SKAP2: variants seen among roughly 807,000 people sequenced by gnomAD.
The protein encoded by SKAP2 is src kinase-associated phosphoprotein 2.
A neutral mutation model predicts 54.9 loss-of-function variants in SKAP2; 28 were observed. The observed-to-expected ratio is 0.51, with a 90% CI of 0.38 to 0.70. SKAP2 has a LOEUF of 0.70. SKAP2 is among the 30% of genes least tolerant of loss of function. The probability of loss-of-function intolerance (pLI) is 0.00; values close to 1 mark genes in which losing one functional copy is unlikely to be tolerated. For synonymous variants in SKAP2, 137 were observed against 134.3 expected (o/e 1.02, Z -0.14); for missense variants, 356 against 424.1 (o/e 0.84, Z 1.41).
chr7:26,716,098 CTGAA>C (rs1237799189), intron 9 of SKAP2, among the ~76,000 whole-genome samples: 3 of 152,130 alleles, frequency 2.0e-5, no homozygotes, highest in African/African-American at 7.2e-5. Context: ...TCTATGTGTA[CTGAA>C]TGAACAAATA....
intron 4 of SKAP2, among the ~76,000 whole-genome samples, chr7:26,769,980 G>A (rs972516475): frequency 2.6e-5 from 4 of 152,216 alleles, no homozygotes; most frequent in African/African-American, 9.6e-5. Flanking sequence ...CTTGAGAGCT[G>A]TGCTGGGAGA....
intron 3 of SKAP2, among the ~76,000 whole-genome samples, chr7:26,845,827 G>A (rs530876693): frequency 3.3e-5 from 5 of 152,218 alleles, no homozygotes; most frequent in African/African-American, 9.6e-5. Context: ...ACATCTGTGG[G>A]AGGCTGAGGT....
intron 9 of SKAP2, among the ~76,000 whole-genome samples, chr7:26,708,021 A>T (rs551098268): frequency 3.9e-5 from 6 of 152,194 alleles, no homozygotes; most frequent in African/African-American, 1.4e-4. Flanking sequence ...AGAAAACCTG[A>T]TAAGCTCACA....
At chr7:26,756,199 C>T (rs1025854674) in intron 4 of SKAP2, among the ~76,000 whole-genome samples, 1 of 152,078 alleles carries the variant, frequency 6.6e-6, no homozygotes, top group Non-Finnish European at 1.5e-5. Context: ...TTTTATTATA[C>T]TTTAAGTTCG....
At chr7:26,693,398 T>C (rs1253390592) in intron 9 of SKAP2, among the ~76,000 whole-genome samples, 2 of 148,312 alleles carry the variant, frequency 1.3e-5, no homozygotes, top group African/African-American at 2.5e-5. Context: ...AGCATGAACA[T>C]ATAAAAATTC....
intron 4 of SKAP2, among the ~76,000 whole-genome samples, chr7:26,742,627 G>C (rs1782476977): frequency 6.6e-6 from 1 of 152,002 alleles, no homozygotes; most frequent in Non-Finnish European, 1.5e-5. Context: ...TCCCTGGGGA[G>C]TGGGGGAGTA....
At chr7:26,798,550 G>C (rs191585789) in intron 4 of SKAP2, among the ~76,000 whole-genome samples, 1 of 152,188 alleles carries the variant, frequency 6.6e-6, no homozygotes, top group Non-Finnish European at 1.5e-5. Context: ...ACATTAATGA[G>C]CAATAAGTAA....
At chr7:26,677,747 A>G (rs1483967359) in intron 11 of SKAP2, among the ~76,000 whole-genome samples, 1 of 152,198 alleles carries the variant, frequency 6.6e-6, no homozygotes, top group African/African-American at 2.4e-5. Context: ...CTTCGACTTA[A>G]TTGCAGTCTC....
At chr7:26,848,015 T>G (rs1784960668) in intron 3 of SKAP2, 1 of 152,204 alleles carries the variant, frequency 6.6e-6, no homozygotes, top group African/African-American at 2.4e-5. Flanking sequence ...ATTTCAGTAG[T>G]AACAAACATT....
At chr7:26,718,876 G>T (rs1489815833) in intron 9 of SKAP2, among the ~76,000 whole-genome samples, 6 of 151,008 alleles carry the variant, frequency 4.0e-5, no homozygotes, top group Admixed American at 4.0e-4. Flanking sequence ...TGTAAATAAG[G>T]ATTTAAAAAT....
At position 26,864,541 on chromosome 7, in the gene SKAP2, G is replaced by C. The variant is rs1204540098; in HGVS notation, c.-112C>G. ...GCTAGCGGCCCGGATTAAGAACAGC[G>C]GGGCTACGAGTCGGGACACTGCCGG... On this transcript the variant is annotated 5_prime_UTR_variant, in exon 1 of 13. Coordinates refer to ENST00000345317, the MANE Select transcript of SKAP2 (RefSeq NM_003930.5). The C allele has an allele frequency of 6.8e-7, 1 of 1,463,552 alleles. No homozygotes were observed. Among genetic ancestry groups the C allele is most frequent in the African/African-American group, 1.4e-5 (1 of 69,306 alleles). The allele number at this position is 1,463,552 out of a possible 1,614,324, so 90.7% of individuals were successfully genotyped here.
rs1786132395 is a variant in SKAP2, at chr7:26,667,711, T to C, written c.*1955A>G. ...TTCCATCATGGGCGAGTTTGTGCCA[T>C]GGGGGAAGGGTTTCAAGAGGTTTTG... On this transcript the variant is annotated 3_prime_UTR_variant, in exon 13 of 13. Coordinates refer to ENST00000345317, the MANE Select transcript of SKAP2 (RefSeq NM_003930.5). The C allele has an allele frequency of 6.6e-6, 1 of 152,556 alleles. No individual in the cohort carries two copies. Among genetic ancestry groups the C allele is most frequent in the Non-Finnish European group, 1.5e-5 (1 of 68,024 alleles). 9.5% of individuals were successfully genotyped at this position (152,556 alleles called of 1,614,324 possible). A position where few individuals can be genotyped will look rare whatever the true frequency, so the allele number is the denominator to read the frequency against.
intron 4 of SKAP2, among the ~76,000 whole-genome samples, chr7:26,759,160 T>G (rs1030424848): frequency 3.3e-5 from 5 of 152,208 alleles, no homozygotes; most frequent in African/African-American, 1.2e-4. Flanking sequence ...GGCTATACTA[T>G]AAACTTCTAA....
At chr7:26,679,725 A>G (rs1375209320) in intron 11 of SKAP2, among the ~76,000 whole-genome samples, 2 of 152,232 alleles carry the variant, frequency 1.3e-5, no homozygotes, top group African/African-American at 2.4e-5. Context: ...CCCTCTGCCA[A>G]TAAAGCTCAA....
intron 1 of SKAP2, among the ~76,000 whole-genome samples, chr7:26,859,050 GC>G (rs1785230948): frequency 6.6e-6 from 1 of 152,038 alleles, no homozygotes; most frequent in African/African-American, 2.4e-5. Context: ...GGGGGAGGGC[GC>G]AAGAATTGGG....
intron 1 of SKAP2, among the ~76,000 whole-genome samples, chr7:26,863,276 A>G (rs1420381190): frequency 3.3e-5 from 5 of 152,208 alleles, no homozygotes; most frequent in Non-Finnish European, 7.4e-5. Flanking sequence ...AAAATGTGTC[A>G]TCAAATGTCA....
intron 3 of SKAP2, among the ~76,000 whole-genome samples, chr7:26,849,200 C>T (rs1206257388): frequency 6.6e-6 from 1 of 152,166 alleles, no homozygotes; most frequent in African/African-American, 2.4e-5. Flanking sequence ...CATTAATAAA[C>T]TTAAGAAACA....
intron 4 of SKAP2, among the ~76,000 whole-genome samples, chr7:26,758,257 C>T (rs1280129264): frequency 1.3e-5 from 2 of 151,752 alleles, no homozygotes; most frequent in Admixed American, 1.3e-4. Context: ...ATGTACTATA[C>T]ATTTAAAATT....
rs150369432 is a variant in SKAP2 at position 26,777,542 on chromosome 7, C to T, written c.308-37578G>A. Among the ~76,000 whole-genome samples the T allele has an allele frequency of 4.7e-3, 713 of 152,128 alleles. 6 individuals carry two copies. The highest frequency in any genetic ancestry group is 0.016 in the African/African-American group (673 of 41,502). On this transcript the variant is annotated intron_variant, in intron 4 of 12. Coordinates refer to ENST00000345317, the MANE Select transcript of SKAP2 (RefSeq NM_003930.5). ...TATGCCTTTAACCAGTGATAACAGA[C>T]TGATCAATCTACACCCCTAGGCAGT...
Sources: gnomAD v4.1 joint callset for allele counts (sites outside exome capture counted in the v4.1 genomes callset) on GRCh38, gnomAD v4.1.1 for gene constraint, MANE v1.5 for transcripts, NCBI Gene and HGNC (gene_info 2026-07-23, HGNC 2026-07-21) for gene names.